WDR12: variants seen among roughly 807,000 people sequenced by gnomAD.
The protein encoded by WDR12 is WD repeat domain 12.
WDR12 carries 42 observed loss-of-function variants against 64.3 expected under a neutral mutation model. That is an observed-to-expected ratio of 0.65 (90% confidence interval 0.51 to 0.84). WDR12 has a LOEUF of 0.84. Ranked by LOEUF, WDR12 falls within the 40% of genes least tolerant of loss-of-function variation. WDR12 has a pLI of 0.00. For missense variants in WDR12, 469 were observed against 494.6 expected (o/e 0.95, Z 0.49); for synonymous variants, 158 against 173.3 (o/e 0.91, Z 0.70).
intron 8 of WDR12, among the ~76,000 whole-genome samples, chr2:202,891,256 CTG>C (rs549332490): frequency 7.9e-4 from 121 of 152,304 alleles, no homozygotes; most frequent in Non-Finnish European, 1.6e-3. Context: ...ACTGCAACCT[CTG>C]CCTCCTGGGC....
chr2:202,894,752 G>C, intron 6 of WDR12, 126 bp from the exon 7 acceptor site: 1 of 738,796 alleles, frequency 1.4e-6, no homozygotes, highest in Non-Finnish European at 2.1e-6. Flanking sequence ...ACTGAAATTA[G>C]CCTTTTTCCA....
intron 4 of WDR12, among the ~76,000 whole-genome samples, chr2:202,899,026 C>G (rs568592156): frequency 7.3e-6 from 1 of 136,484 alleles, no homozygotes; most frequent in East Asian, 2.1e-4. Context: ...TTAATAAATA[C>G]CTGTGGTTTT....
At chr2:202,910,664 A>G (rs1338071068) in intron 1 of WDR12, among the ~76,000 whole-genome samples, 1 of 152,236 alleles carries the variant, frequency 6.6e-6, no homozygotes, top group Non-Finnish European at 1.5e-5. Context: ...AGAAGTATTA[A>G]GGCAATGTAT....
rs1367331384 is a variant in WDR12 at position 202,874,313 on chromosome 2, CCTTT to C, written c.*6543_*6546del. Among the ~76,000 whole-genome samples, 4 of 152,062 alleles carry C rather than the reference CCTTT, an allele frequency of 2.6e-5. No individual in the cohort carries two copies. Among genetic ancestry groups the C allele is most frequent in the Admixed American group, 1.3e-4 (2 of 15,268 alleles). ...ACTGAACTGTTATTTAACTTTCTAT[CCTTT>C]CTATCAACATATAATACACTTATAC... On this transcript the variant is annotated 3_prime_UTR_variant, in exon 13 of 13. Transcript: ENST00000261015.
intron 12 of WDR12, among the ~76,000 whole-genome samples, chr2:202,882,425 A>T (rs1431608508): frequency 1.1e-4 from 17 of 151,626 alleles, no homozygotes; most frequent in Non-Finnish European, 1.8e-4. Context: ...GCCTCCTTGG[A>T]TCACGCCATT....
intron 7 of WDR12, 45 bp downstream of exon 7, chr2:202,894,536 T>C: frequency 6.5e-7 from 1 of 1,535,342 alleles, no homozygotes; most frequent in Non-Finnish European, 8.8e-7. Context: ...TTTAAATTTT[T>C]GAAACAACAT....
chr2:202,911,378 A>C lies in WDR12; in HGVS notation c.41+58T>G. On this transcript the variant is annotated intron_variant, in intron 1 of 12. Transcript: ENST00000261015. The stretch of plus-strand genomic sequence containing the variant: ...AACCAGGGATCCACAAGGTCATACC[A>C]AAGGGGTGGTCGGAAAGGAACCTGG... 1.9e-6 allele frequency: 3 copies of C among 1,555,502 alleles called. No individual in the cohort carries two copies. In the African/African-American group the frequency reaches 4.1e-5, roughly 21 times the overall value.
At chr2:202,882,569 C>G (rs763632812) in intron 12 of WDR12, 142 bp downstream of exon 12, 1 of 690,242 alleles carries the variant, frequency 1.4e-6, no homozygotes, top group Non-Finnish European at 2.5e-6. Context: ...ACCTCGTGAT[C>G]TGCCCACCTT....
intron 8 of WDR12, among the ~76,000 whole-genome samples, chr2:202,886,069 A>G (rs1252870774): frequency 1.3e-5 from 2 of 151,802 alleles, no homozygotes; most frequent in African/African-American, 4.8e-5. Context: ...CTCGGCCCAC[A>G]GTTGTTTTAA....
intron 7 of WDR12, among the ~76,000 whole-genome samples, chr2:202,893,474 T>C (rs577171424): frequency 7.0e-4 from 107 of 152,206 alleles, no homozygotes; most frequent in African/African-American, 2.5e-3. Context: ...ACTAAATCAC[T>C]TTTTGCCACC....
chr2:202,885,716 A>G (rs1688034758), intron 8 of WDR12, among the ~76,000 whole-genome samples: 1 of 152,120 alleles, frequency 6.6e-6, no homozygotes, highest in East Asian at 1.9e-4. Flanking sequence ...AAAGCCCCAA[A>G]CTAGGTAACT....
Position 202,884,514 on chromosome 2 carries a change from C to T in WDR12, c.763G>A (p.Gly255Ser). ...LTRTPIVTLS[G>S]HMEAVSSVLW... ...ACTGAGGAAACTGCCTCCATGTGGC[C>T]AGAGAGGGTCACTATGGGAGTCTAG... Residue 255 changes from glycine to serine, a missense_variant, in exon 9 of 13, where the codon GGC (glycine) becomes AGC (serine). Coordinates refer to ENST00000261015, the MANE Select transcript of WDR12 (RefSeq NM_018256.4). 6.2e-7 allele frequency: 1 copy of T among 1,613,784 alleles called. No homozygotes were observed. Among genetic ancestry groups the T allele is most frequent in the Non-Finnish European group, 8.5e-7 (1 of 1,179,944 alleles).
Position 202,884,539 on chromosome 2 carries a change from G to A in WDR12, c.742-4C>T. ...CAGAGAGGGTCACTATGGGAGTCTA[G>A]AAAGGAAGAACCCCAAAAGGGGAAA... On this transcript the variant is annotated splice_region_variant and splice_polypyrimidine_tract_variant and intron_variant, in intron 8 of 12. Transcript: ENST00000261015. 1 of 1,601,704 alleles carries A rather than the reference G, an allele frequency of 6.2e-7. No individual in the cohort carries two copies. The highest frequency in any genetic ancestry group is 8.5e-7 in the Non-Finnish European group (1 of 1,177,052).
chr2:202,909,684 A>T (rs1688530215), intron 1 of WDR12, among the ~76,000 whole-genome samples: 1 of 152,122 alleles, frequency 6.6e-6, no homozygotes, highest in African/African-American at 2.4e-5. Context: ...TAATTCACAT[A>T]TATGTATATT....
Position 202,880,924 on chromosome 2 carries a change from C to CCA in WDR12, c.1206_1207dup (p.Gly403ValfsTer27). The CCA allele has an allele frequency of 6.2e-7, 1 of 1,608,094 alleles. No homozygotes were observed. Among genetic ancestry groups the CCA allele is most frequent in the African/African-American group, 1.3e-5 (1 of 74,880 alleles). On this transcript the variant is annotated frameshift_variant, in exon 13 of 13. Transcript: ENST00000261015. LOFTEE classifies it high-confidence loss of function. ...GGAATACAATTTATTGTCTGCTCCT[C>CCA]CACTCAGAAGTAGCTGTGTAAAAGG...
At chr2:202,897,200 G>A in intron 5 of WDR12, 100 bp downstream of exon 5, 1 of 717,976 alleles carries the variant, frequency 1.4e-6, no homozygotes, top group Non-Finnish European at 2.4e-6. Context: ...TGAGGTATGA[G>A]ATACTTCCCA....
At chr2:202,902,246 C>T (rs1276302492) in intron 2 of WDR12, among the ~76,000 whole-genome samples, 1 of 152,188 alleles carries the variant, frequency 6.6e-6, no homozygotes, top group Non-Finnish European at 1.5e-5. Flanking sequence ...CCAAATTCAA[C>T]AACACATTAA....
At chr2:202,887,416 CT>C (rs1688066544) in intron 8 of WDR12, among the ~76,000 whole-genome samples, 1 of 152,214 alleles carries the variant, frequency 6.6e-6, no homozygotes, top group Non-Finnish European at 1.5e-5. Context: ...GACAGCCAAA[CT>C]GGCTGTTGGG....
Position 202,887,171 on chromosome 2 carries a change from G to A in WDR12, c.742-2636C>T, listed in dbSNP as rs185960620. Among the ~76,000 whole-genome samples, 42 of 152,180 alleles carry A rather than the reference G, an allele frequency of 2.8e-4. No individual in the cohort carries two copies. The East Asian group carries it at 5.8e-3, about 21-fold the overall frequency. ...CCCAAGTAGCTGGGATTACAGGCAC[G>A]TGCCACCACGCCTGGCTAACTTTTC... On this transcript the variant is annotated intron_variant, in intron 8 of 12. Coordinates refer to ENST00000261015, the MANE Select transcript of WDR12 (RefSeq NM_018256.4).
Sources: gnomAD v4.1 joint callset for allele counts (sites outside exome capture counted in the v4.1 genomes callset) on GRCh38, gnomAD v4.1.1 for gene constraint, MANE v1.5 for transcripts, NCBI Gene and HGNC (gene_info 2026-07-23, HGNC 2026-07-21) for gene names.